The following NFIB variants were observed in gnomAD, a reference collection of about 807,000 sequenced individuals.
The protein encoded by NFIB is nuclear factor I B.
A neutral mutation model predicts 61.5 loss-of-function variants in NFIB; 11 were observed. The ratio of observed to expected loss-of-function variants is 0.18; its 90% CI spans 0.11 to 0.30. NFIB has a LOEUF of 0.30. Ranked by LOEUF, NFIB falls within the 10% of genes least tolerant of loss-of-function variation. The pLI is 1.00. For missense variants in NFIB, 471 were observed against 608.9 expected (o/e 0.77, Z 2.38); for synonymous variants, 260 against 216.5 (o/e 1.20, Z -1.76).
At chr9:14,506,141 T>A in the NFIB span, among the ~76,000 whole-genome samples, 1 of 152,230 alleles carries the variant, frequency 6.6e-6, no homozygotes, top group Non-Finnish European at 1.5e-5. Context: ...GTTTGAAATT[T>A]GGTGTGTAAG....
intron 6 of NFIB, among the ~76,000 whole-genome samples, chr9:14,144,322 C>T (rs1310347633): frequency 6.6e-6 from 1 of 152,194 alleles, no homozygotes; most frequent in African/African-American, 2.4e-5. Flanking sequence ...TCCATTCCCA[C>T]ACATTCACAA....
rs542613270 is a variant in NFIB at position 14,330,229 on chromosome 9, T to C, written c.109-22709A>G. Reference sequence around the variant, plus strand: ...TATGGGGATAACATCAAATATGCTCTAATTGATAAAGGAAGTACCTAACTA... The same window carrying C: ...TATGGGGATAACATCAAATATGCTCCAATTGATAAAGGAAGTACCTAACTA... On this transcript the variant is annotated intron_variant, in intron 1 of 8. Transcript: ENST00000380934. 9.2e-5 allele frequency among the ~76,000 whole-genome samples: 14 copies of C among 152,332 alleles called. No homozygotes were observed. The South Asian group carries it at 2.7e-3, about 29-fold the overall frequency.
chr9:14,517,741 T>C, the NFIB span, among the ~76,000 whole-genome samples: 11 of 152,304 alleles, frequency 7.2e-5, no homozygotes, highest in South Asian at 2.3e-3. Context: ...TGTGGATTTT[T>C]TTCTGCCTAA....
At chr9:14,196,282 A>C (rs1016579444) in intron 2 of NFIB, among the ~76,000 whole-genome samples, 1 of 152,160 alleles carries the variant, frequency 6.6e-6, no homozygotes, top group African/African-American at 2.4e-5. Context: ...GCTTGGGTTA[A>C]AGTGAAAAAA....
Position 14,351,190 on chromosome 9 carries a change from C to CT in NFIB, c.109-43671dup, listed in dbSNP as rs1007054997. ...CACCTCCTATGGTCCAGTCTCCCCA[C>CT]TTTTTTTGGTTGTTGTTAAGATAAA... On this transcript the variant is annotated intron_variant, in intron 1 of 8. Transcript: ENST00000380934. 8.5e-5 allele frequency among the ~76,000 whole-genome samples: 13 copies of CT among 152,194 alleles called. 1 individual carries two copies. The highest frequency in any genetic ancestry group is 3.1e-4 in the African/African-American group (13 of 41,440).
In NFIB at chr9:14,082,818, A is replaced by G. The variant is rs925037589; in HGVS notation, c.*5491T>C. 9.8e-6 allele frequency: 2 copies of G among 204,320 alleles called. No homozygotes were observed. Among genetic ancestry groups the G allele is most frequent in the Non-Finnish European group, 2.0e-5 (2 of 99,766 alleles). 12.7% of individuals were successfully genotyped at this position (204,320 alleles called of 1,614,324 possible). On this transcript the variant is annotated 3_prime_UTR_variant, in exon 11 of 11. Transcript: ENST00000380953. ...AAGACTTCCTTCTGCATAAAGAGAT[A>G]TATTTGCCACATCAGTCCCTGTAGC...
chr9:14,492,499 G>A, the NFIB span, among the ~76,000 whole-genome samples: 1 of 152,090 alleles, frequency 6.6e-6, no homozygotes, highest in African/African-American at 2.4e-5. Flanking sequence ...CTTCTGGGGA[G>A]GCCTCAGGAA....
chr9:14,505,307 G>A, the NFIB span, among the ~76,000 whole-genome samples: 1 of 152,134 alleles, frequency 6.6e-6, no homozygotes. Flanking sequence ...ATATTGATCT[G>A]TAGTTTTCTT....
intron 2 of NFIB, among the ~76,000 whole-genome samples, chr9:14,193,081 T>C (rs1170201465): frequency 6.6e-6 from 1 of 151,658 alleles, no homozygotes; most frequent in Non-Finnish European, 1.5e-5. Context: ...AAATTCTGTA[T>C]CCCAAAGTTT....
the NFIB span, among the ~76,000 whole-genome samples, chr9:14,415,991 C>T: frequency 6.6e-6 from 1 of 152,120 alleles, no homozygotes; most frequent in Non-Finnish European, 1.5e-5. Context: ...AAGACACCAT[C>T]CGACTAGTCT....
intron 2 of NFIB, among the ~76,000 whole-genome samples, chr9:14,232,571 G>GGGAAA (rs2053316113): frequency 1.3e-5 from 2 of 152,304 alleles, no homozygotes; most frequent in Admixed American, 6.5e-5. Context: ...GAGACAGGAA[G>GGGAAA]ACTAAAGGTT....
chr9:14,230,974 G>C (rs554802790), intron 2 of NFIB, among the ~76,000 whole-genome samples: 1 of 122,670 alleles, frequency 8.2e-6, no homozygotes, highest in South Asian at 3.0e-4. Flanking sequence ...AAGGCAAAGG[G>C]GGAGCGGAGA....
chr9:14,417,793 T>C, the NFIB span, among the ~76,000 whole-genome samples: 6 of 149,442 alleles, frequency 4.0e-5, no homozygotes, highest in Admixed American at 4.0e-4. Context: ...TTTTTTTTTT[T>C]TTTTGAGACG....
chr9:14,511,004 C>T, the NFIB span, among the ~76,000 whole-genome samples: 1 of 152,176 alleles, frequency 6.6e-6, no homozygotes, highest in Non-Finnish European at 1.5e-5. Flanking sequence ...TTGTGTCCCA[C>T]ATTAGGGATG....
intron 2 of NFIB, among the ~76,000 whole-genome samples, chr9:14,235,900 C>G (rs71511081): frequency 0.049 from 7,470 of 152,238 alleles, 267 homozygotes; most frequent in African/African-American, 0.1. Context: ...GTTTTTAACA[C>G]AATTACTACT....
chr9:14,241,386 G>A (rs909146555), intron 2 of NFIB, among the ~76,000 whole-genome samples: 1 of 152,084 alleles, frequency 6.6e-6, no homozygotes, highest in Non-Finnish European at 1.5e-5. Flanking sequence ...TATAAATGTG[G>A]CAGTGAAAAG....
intron 2 of NFIB, among the ~76,000 whole-genome samples, chr9:14,238,417 A>G (rs1262805973): frequency 6.6e-6 from 1 of 152,176 alleles, no homozygotes; most frequent in Non-Finnish European, 1.5e-5. Context: ...TACATTAAAA[A>G]TTCACTGCAT....
chr9:14,467,567 T>C, the NFIB span, among the ~76,000 whole-genome samples: 1 of 152,224 alleles, frequency 6.6e-6, no homozygotes, highest in South Asian at 2.1e-4. Context: ...TTATAAACTG[T>C]TTATCCATTC....
intron 1 of NFIB, among the ~76,000 whole-genome samples, chr9:14,349,944 G>C (rs369817595): frequency 2.0e-5 from 3 of 152,010 alleles, no homozygotes; most frequent in Non-Finnish European, 4.4e-5. Flanking sequence ...TCCCTTCCCC[G>C]TGTGCCCCTT....
Sources: gnomAD v4.1 joint callset for allele counts (sites outside exome capture counted in the v4.1 genomes callset) on GRCh38, gnomAD v4.1.1 for gene constraint, MANE v1.5 for transcripts, NCBI Gene and HGNC (gene_info 2026-07-23, HGNC 2026-07-21) for gene names.